The following GAK variants were observed in gnomAD, a reference collection of about 807,000 sequenced individuals.
GAK encodes cyclin G associated kinase.
A neutral mutation model predicts 143.9 loss-of-function variants in GAK; 79 were observed. The ratio of observed to expected loss-of-function variants is 0.55; its 90% CI spans 0.46 to 0.66. The LOEUF (loss-of-function observed/expected upper bound fraction) is 0.66. Among genes scored for constraint, GAK ranks in the 30% least tolerant of loss-of-function variants. GAK has a pLI of 0.00. For synonymous variants in GAK, 881 were observed against 765.5 expected, an observed-to-expected ratio of 1.15 and a Z score of -2.49; for missense variants, 1,693 against 1,779.7, an observed-to-expected ratio of 0.95 and a Z score of 0.88.
At position 894,001 on chromosome 4, in the gene GAK, G is replaced by A; in HGVS notation, c.750C>T (p.Gly250=). The change falls in exon 8 of 28, where the codon GGC becomes GGT. Residue 250 remains glycine, a synonymous_variant. Coordinates refer to ENST00000314167, the MANE Select transcript of GAK (RefSeq NM_005255.4). ...IGEKQDIWAL[G]CILYLLCFRQ... ...GGAAGCACAGCAGGTACAAGATGCAGCCCAGGGCCTGCGGGGAGAGCAGGG... is the reference window on the plus strand; with the variant it reads ...GGAAGCACAGCAGGTACAAGATGCAACCCAGGGCCTGCGGGGAGAGCAGGG... The A allele has an allele frequency of 1.9e-6, 3 of 1,606,828 alleles. No homozygotes were observed. The highest frequency in any genetic ancestry group is 2.7e-5 in the African/African-American group (2 of 74,934).
intron 1 of GAK, among the ~76,000 whole-genome samples, chr4:919,308 C>T (rs1723560801): frequency 6.7e-6 from 1 of 148,604 alleles, no homozygotes; most frequent in Non-Finnish European, 1.5e-5. Context: ...CAGAAGGCTC[C>T]AAAGGCCTCA....
intron 19 of GAK, chr4:869,049 A>G (rs920177209): frequency 2.7e-4 from 58 of 218,470 alleles, no homozygotes; most frequent in African/African-American, 1.3e-3. Flanking sequence ...CAGTACACAC[A>G]AATGCACACA....
rs758850798 is a variant in GAK at position 849,788 on chromosome 4, G to A, written c.3835-14C>T. 1.9e-6 allele frequency: 3 copies of A among 1,607,508 alleles called. No homozygotes were observed. Among genetic ancestry groups the A allele is most frequent in the Admixed American group, 1.7e-5 (1 of 59,658 alleles). Reference sequence around the variant, plus strand: ...CTGCCCCGCAGCCTATGGGTGACAGGCGGTGTAAGCGCCTCTTATAAGCAT... The same window carrying A: ...CTGCCCCGCAGCCTATGGGTGACAGACGGTGTAAGCGCCTCTTATAAGCAT... On this transcript the variant is annotated splice_polypyrimidine_tract_variant and intron_variant, in intron 27 of 27. Coordinates refer to ENST00000314167, the MANE Select transcript of GAK (RefSeq NM_005255.4).
chr4:849,833 G>GGGGCGCCCC, intron 27 of GAK, 59 bp from the exon 28 acceptor site: 1 of 1,190,156 alleles, frequency 8.4e-7, no homozygotes, highest in Non-Finnish European at 1.2e-6. Context: ...GGCGGGGCAG[G>GGGGCGCCCC]ACCCCCCCCC....
In GAK at chr4:904,746, G is replaced by A; in HGVS notation, c.416C>T (p.Ser139Phe). The A allele has an allele frequency of 6.2e-7, 1 of 1,614,194 alleles. No individual in the cohort carries two copies. The highest frequency in any genetic ancestry group is 8.5e-7 in the Non-Finnish European group (1 of 1,180,010). Reference protein sequence around the residue: ...QLVEFLKKMESRGPLSCDTVL... With the variant: ...QLVEFLKKMEFRGPLSCDTVL... Reference sequence around the variant, plus strand: ...CGTGTCGCACGAAAGGGGGCCTCGAGATTCCATTTTCTTCAAAAATTCCAC... The same window carrying A: ...CGTGTCGCACGAAAGGGGGCCTCGAAATTCCATTTTCTTCAAAAATTCCAC... The change falls in exon 5 of 28, where the codon TCT becomes TTT. Residue 139 changes from serine (S) to phenylalanine (F), a missense_variant. This residue lies in a region of GAK where 871 missense variants were observed against 991.0 expected (regional missense o/e 0.88). Coordinates refer to ENST00000314167, the MANE Select transcript of GAK (RefSeq NM_005255.4).
intron 4 of GAK, among the ~76,000 whole-genome samples, chr4:905,319 T>C (rs962348182): frequency 6.6e-6 from 1 of 152,212 alleles, no homozygotes; most frequent in African/African-American, 2.4e-5. Context: ...GTCCAGTTTG[T>C]TCAAAATGCC....
intron 4 of GAK, among the ~76,000 whole-genome samples, chr4:905,536 G>A (rs542531200): frequency 5.2e-4 from 77 of 148,404 alleles, no homozygotes; most frequent in African/African-American, 1.9e-3. Flanking sequence ...CCCATGCCAC[G>A]CTACGGACTC....
chr4:866,528 G>T lies in GAK; in HGVS notation c.2879C>A (p.Pro960His), dbSNP rs751067333. 1.2e-6 allele frequency: 2 copies of T among 1,613,490 alleles called. No homozygotes were observed. Among genetic ancestry groups the T allele is most frequent in the Non-Finnish European group, 8.5e-7 (1 of 1,179,866 alleles). ...TGAAGACGGCAGAAGCGGGCCAAAG[G>T]GGTCAGCTGTGGGGACAGGCGGGCA... ...PRGGPPAAAD[P>H]FGPLLPSSGN... The change falls in exon 22 of 28, where the codon CCC (proline) becomes CAC (histidine). Residue 960 changes from proline to histidine, a missense_variant. Coordinates refer to ENST00000314167, the MANE Select transcript of GAK (RefSeq NM_005255.4).
intron 11 of GAK, among the ~76,000 whole-genome samples, chr4:885,539 T>C (rs992745394): frequency 6.6e-6 from 1 of 152,206 alleles, no homozygotes; most frequent in African/African-American, 2.4e-5. Flanking sequence ...CCCATGGACC[T>C]GGCTGTGTAG....
chr4:853,047 T>C (rs758060818), intron 24 of GAK: 1 of 151,794 alleles, frequency 6.6e-6, no homozygotes, highest in South Asian at 2.1e-4. Flanking sequence ...CTATGGCTGG[T>C]CTCAAACTCC....
intron 1 of GAK, among the ~76,000 whole-genome samples, chr4:929,881 T>C (rs1331080728): frequency 4.6e-5 from 7 of 152,244 alleles, no homozygotes; most frequent in African/African-American, 1.7e-4. Flanking sequence ...AAACCTGACA[T>C]GAACTGATAT....
In GAK at chr4:927,012, TCC is replaced by T. The variant is rs1724906930; in HGVS notation, c.145+5029_145+5030del. Among the ~76,000 whole-genome samples the T allele has an allele frequency of 5.7e-5, 2 of 34,980 alleles. 1 individual carries two copies. The highest frequency in any genetic ancestry group is 2.6e-4 in the African/African-American group (2 of 7,616). The allele number at this position is 34,980 out of a possible 152,430, so 22.9% of individuals were successfully genotyped here. A position where few individuals can be genotyped will look rare whatever the true frequency, so the allele number is the denominator to read the frequency against. On this transcript the variant is annotated intron_variant, in intron 1 of 27. Transcript: ENST00000314167. ...CGCACCCCTCCCGGCTCACCAGCGC[TCC>T]GCACTGCCCCGCACCCCTCCCCGCT...
chr4:868,483 C>G, intron 20 of GAK, 56 bp downstream of exon 20: 1 of 1,574,332 alleles, frequency 6.4e-7, no homozygotes, highest in Non-Finnish European at 8.6e-7. Context: ...CCCAGGGGCA[C>G]CTCCAGACCA....
At chr4:897,881 G>A (rs1719106603) in intron 6 of GAK, 152 bp downstream of exon 6, 7 of 786,926 alleles carry the variant, frequency 8.9e-6, no homozygotes, top group African/African-American at 3.5e-5. Flanking sequence ...CCCAGGAGGC[G>A]GAGGTTGCAG....
chr4:856,208 TGCTC>T, intron 24 of GAK, among the ~76,000 whole-genome samples: 1 of 131,554 alleles, frequency 7.6e-6, no homozygotes, highest in East Asian at 2.6e-4. Flanking sequence ...TGCTCACACC[TGCTC>T]ACCACAGCTG....
At chr4:850,901 T>C in intron 26 of GAK, 35 bp downstream of exon 26, 1 of 1,602,954 alleles carries the variant, frequency 6.2e-7, no homozygotes, top group Non-Finnish European at 8.5e-7. Flanking sequence ...GGTTGAGGCC[T>C]CTGGGCTCCC....
chr4:883,534 G>A lies in GAK; in HGVS notation c.1256-71C>T, dbSNP rs769323984. On this transcript the variant is annotated intron_variant, in intron 12 of 27. Transcript: ENST00000314167. ...GTGGCCAGGCTGCTGCTGCGGCCTC[G>A]CTGCTCCTGACGCCCCCGGGCAAGC... The A allele has an allele frequency of 2.4e-5, 37 of 1,561,386 alleles. 1 individual carries two copies. In the Middle Eastern group the frequency reaches 1.8e-3, roughly 78 times the overall value.
intron 25 of GAK, 175 bp downstream of exon 25, chr4:851,575 T>G: frequency 1.5e-6 from 1 of 650,116 alleles, no homozygotes; most frequent in East Asian, 2.7e-5. Context: ...CCCAGAGGCC[T>G]GACCCAGAGA....
chr4:860,490 T>C (rs1055434822), intron 23 of GAK, among the ~76,000 whole-genome samples: 1 of 152,158 alleles, frequency 6.6e-6, no homozygotes, highest in South Asian at 2.1e-4. Context: ...GCAAAGAACA[T>C]GAAATGATTC....
Sources: gnomAD v4.1 joint callset for allele counts (sites outside exome capture counted in the v4.1 genomes callset) on GRCh38, gnomAD v4.1.1 for gene constraint, gnomAD v4.1.1 regional missense constraint, MANE v1.5 for transcripts, NCBI Gene and HGNC (gene_info 2026-07-23, HGNC 2026-07-21) for gene names.